Variants in LRBA observed in about 807,000 individuals in gnomAD.
LRBA encodes LPS responsive beige-like anchor protein.
A neutral mutation model predicts 330.0 loss-of-function variants in LRBA; 176 were observed. The ratio of observed to expected loss-of-function variants is 0.53; its 90% CI spans 0.47 to 0.60. LRBA has a LOEUF of 0.60. Ranked by LOEUF, LRBA falls within the 20% of genes least tolerant of loss-of-function variation. LRBA has a pLI of 0.00. For synonymous variants in LRBA, 1,230 were observed against 1,193.0 expected (o/e 1.03, Z -0.64); for missense variants, 3,259 against 3,444.8 (o/e 0.95, Z 1.35).
At chr4:150,654,886 T>C (rs1281562968) in intron 37 of LRBA, among the ~76,000 whole-genome samples, 1 of 152,202 alleles carries the variant, frequency 6.6e-6, no homozygotes, top group Non-Finnish European at 1.5e-5. Context: ...TCCTTTTTTA[T>C]GGCTGCATAG....
intron 40 of LRBA, among the ~76,000 whole-genome samples, chr4:150,503,129 T>G (rs1457892309): frequency 6.6e-6 from 1 of 152,218 alleles, no homozygotes; most frequent in Non-Finnish European, 1.5e-5. Flanking sequence ...TCTGGGGGCA[T>G]GGCACAGACA....
At chr4:150,654,632 T>C (rs946624620) in intron 37 of LRBA, among the ~76,000 whole-genome samples, 3 of 152,196 alleles carry the variant, frequency 2.0e-5, no homozygotes, top group African/African-American at 7.2e-5. Context: ...CATGTTGGTG[T>C]GCTGCACCTA....
At chr4:150,542,291 A>G (rs1765393399) in intron 40 of LRBA, among the ~76,000 whole-genome samples, 1 of 152,240 alleles carries the variant, frequency 6.6e-6, no homozygotes, top group African/African-American at 2.4e-5. Context: ...AGCTCTAGCA[A>G]TGCTGGGCAA....
At chr4:151,015,292 G>A (rs903446691), upstream of LRBA, 3 of 152,864 alleles carry the variant, frequency 2.0e-5, no homozygotes, top group African/African-American at 7.2e-5. Context: ...GGCGGGGGAA[G>A]GGGGCGGTGA....
intron 46 of LRBA, chr4:150,423,521 C>T (rs1169356006): frequency 1.3e-5 from 6 of 460,884 alleles, no homozygotes; most frequent in South Asian, 4.5e-5. Context: ...TGTCCTGGAG[C>T]CACAGAGACT....
Position 150,849,527 on chromosome 4 carries a change from G to A in LRBA, c.4053C>T (p.Val1351=). 4 of 1,613,150 alleles carry A rather than the reference G, an allele frequency of 2.5e-6. No homozygotes were observed. Among genetic ancestry groups the A allele is most frequent in the Non-Finnish European group, 3.4e-6 (4 of 1,179,124 alleles). Residue 1351 remains valine (V), a synonymous_variant, in exon 25 of 57, where the codon GTC becomes GTT. Transcript: ENST00000651943. ...GATGAATTGTGTTGTGTACAAAGAT[G>A]ACATTATCACTGCTATTCACGAAGT... ...VMDFVNSSDN[V]IFVHNTIHLI... is the part of the protein sequence containing the mutation.
chr4:150,686,795 T>C (rs2126933017), intron 36 of LRBA, among the ~76,000 whole-genome samples: 1 of 152,276 alleles, frequency 6.6e-6, no homozygotes, highest in East Asian at 1.9e-4. Flanking sequence ...AAACACATTA[T>C]TAAATAGCTT....
intron 47 of LRBA, among the ~76,000 whole-genome samples, chr4:150,406,547 G>A (rs114053962): frequency 0.015 from 2,345 of 152,186 alleles, 27 homozygotes; most frequent in Non-Finnish European, 0.024. Context: ...GAACTGACGT[G>A]GCTTTAACAG....
intron 22 of LRBA, among the ~76,000 whole-genome samples, chr4:150,854,724 G>A (rs970623027): frequency 6.6e-6 from 1 of 152,260 alleles, no homozygotes; most frequent in South Asian, 2.1e-4. Context: ...CATGTAAAAA[G>A]AAAAGAGTTT....
chr4:150,310,650 G>A (rs1009524009), intron 51 of LRBA: 23 of 304,588 alleles, frequency 7.6e-5, no homozygotes, highest in African/African-American at 5.0e-4. Flanking sequence ...CACAGAACAT[G>A]CTTTCTAGCT....
At chr4:150,469,300 C>A (rs990728160) in intron 43 of LRBA, among the ~76,000 whole-genome samples, 1 of 152,142 alleles carries the variant, frequency 6.6e-6, no homozygotes, top group East Asian at 1.9e-4. Flanking sequence ...TAAAAGAAAT[C>A]TTAAGTGAGA....
intron 17 of LRBA, among the ~76,000 whole-genome samples, chr4:150,892,340 G>T (rs1029126484): frequency 1.1e-4 from 17 of 152,116 alleles, no homozygotes; most frequent in Admixed American, 1.1e-3. Context: ...ATTTGGAGAG[G>T]GAGCCTCTAA....
In LRBA at chr4:150,491,040, T is replaced by C. The variant is rs773996956; in HGVS notation, c.6331-5A>G. ...CCCTTCTGTATATGCCAAGATCTAA[T>C]GAGGAAAAAAATAATCCCAGGTAAG... On this transcript the variant is annotated splice_polypyrimidine_tract_variant and splice_region_variant and intron_variant, in intron 40 of 56. Transcript: ENST00000651943. 8 of 1,456,714 alleles carry C rather than the reference T, an allele frequency of 5.5e-6. No individual in the cohort carries two copies. The highest frequency in any genetic ancestry group is 3.5e-5 in the Admixed American group (2 of 56,556). 90.2% of individuals were successfully genotyped at this position (1,456,714 alleles called of 1,614,324 possible). A position where few individuals can be genotyped will look rare whatever the true frequency, so the allele number is the denominator to read the frequency against.
chr4:150,392,813 CA>C (rs1744177127), intron 47 of LRBA, among the ~76,000 whole-genome samples: 1 of 140,874 alleles, frequency 7.1e-6, no homozygotes, highest in African/African-American at 2.7e-5. Flanking sequence ...CACATGGACA[CA>C]GGGGGAGGGG....
intron 33 of LRBA, among the ~76,000 whole-genome samples, chr4:150,802,747 G>C (rs1431295678): frequency 6.6e-6 from 1 of 152,026 alleles, no homozygotes; most frequent in Non-Finnish European, 1.5e-5. Context: ...CATATGGCCA[G>C]ACGCAGTGGC....
chr4:150,309,666 T>A (rs1255848933), intron 52 of LRBA, among the ~76,000 whole-genome samples: 1 of 152,130 alleles, frequency 6.6e-6, no homozygotes, highest in African/African-American at 2.4e-5. Flanking sequence ...GGGAGATGCA[T>A]GTAAATGAAT....
At chr4:150,790,203 G>A (rs938362446) in intron 34 of LRBA, among the ~76,000 whole-genome samples, 5 of 152,090 alleles carry the variant, frequency 3.3e-5, no homozygotes, top group Admixed American at 1.3e-4. Context: ...TAGTCAGCAT[G>A]GTATCATCCT....
chr4:150,887,996 CT>C (rs1314278751), intron 17 of LRBA, among the ~76,000 whole-genome samples: 1 of 151,760 alleles, frequency 6.6e-6, no homozygotes, highest in African/African-American at 2.4e-5. Context: ...AAACAAAAAC[CT>C]AAAGAAAATG....
chr4:150,480,891 C>G (rs1015511888), intron 42 of LRBA, among the ~76,000 whole-genome samples: 2 of 152,136 alleles, frequency 1.3e-5, no homozygotes, highest in African/African-American at 2.4e-5. Flanking sequence ...ACTGCTAACT[C>G]TAGTCATCCT....
Sources: gnomAD v4.1 joint callset for allele counts (sites outside exome capture counted in the v4.1 genomes callset) on GRCh38, gnomAD v4.1.1 for gene constraint, MANE v1.5 for transcripts, NCBI Gene and HGNC (gene_info 2026-07-23, HGNC 2026-07-21) for gene names.